Variants in NTRK3 observed in about 807,000 individuals in gnomAD.
NTRK3 encodes the protein NT-3 growth factor receptor.
In NTRK3, 24 loss-of-function variants were observed where a neutral mutation model predicts 91.7. The observed-to-expected ratio is 0.26, with a 90% CI of 0.19 to 0.37. The LOEUF is 0.37. NTRK3 is among the 10% of genes least tolerant of loss of function. NTRK3 has a pLI of 1.00. For missense variants in NTRK3, 880 were observed against 1,068.9 expected (o/e 0.82, Z 2.46); for synonymous variants, 483 against 404.0 (o/e 1.20, Z -2.34).
At chr15:88,217,111 A>T (rs1010093112) in intron 3 of NTRK3, among the ~76,000 whole-genome samples, 2 of 152,210 alleles carry the variant, frequency 1.3e-5, no homozygotes, top group African/African-American at 4.8e-5. Flanking sequence ...AAAAAACAAA[A>T]AATAACAAGA....
At chr15:87,947,693 G>T (rs972872019) in intron 14 of NTRK3, among the ~76,000 whole-genome samples, 22 of 152,120 alleles carry the variant, frequency 1.4e-4, no homozygotes, top group Non-Finnish European at 3.1e-4. Flanking sequence ...TGGCAGGAGA[G>T]AAGGGGGAAG....
At chr15:87,970,461 C>T (rs749641322) in intron 14 of NTRK3, among the ~76,000 whole-genome samples, 12 of 152,156 alleles carry the variant, frequency 7.9e-5, no homozygotes, top group Non-Finnish European at 1.2e-4. Context: ...GGGTGGTTGA[C>T]GAACACATCC....
chr15:88,128,700 A>G lies in NTRK3; in HGVS notation c.1228+11T>C. On this transcript the variant is annotated intron_variant, in intron 11 of 18. Transcript: ENST00000394480. ...AAATCAGTTTCAAAGCAACAGGTAA[A>G]GCAGACTTACACAAGATAAAGTTAT... is the stretch of plus-strand genomic sequence containing the variant. 6.2e-7 allele frequency: 1 copy of G among 1,613,988 alleles called. No homozygotes were observed. Among genetic ancestry groups the G allele is most frequent in the Non-Finnish European group, 8.5e-7 (1 of 1,179,834 alleles).
chr15:87,956,454 A>G (rs1832846093), intron 14 of NTRK3, among the ~76,000 whole-genome samples: 2 of 152,190 alleles, frequency 1.3e-5, no homozygotes, highest in Admixed American at 1.3e-4. Flanking sequence ...TTGTATTTTT[A>G]GTAGAGACGG....
chr15:87,890,772 T>G (rs890430737), intron 17 of NTRK3, among the ~76,000 whole-genome samples: 1 of 152,208 alleles, frequency 6.6e-6, no homozygotes, highest in Non-Finnish European at 1.5e-5. Flanking sequence ...TAGGCTCATC[T>G]TGTATATTTC....
intron 14 of NTRK3, among the ~76,000 whole-genome samples, chr15:88,017,523 TG>T (rs1052405554): frequency 6.6e-6 from 1 of 152,240 alleles, no homozygotes; most frequent in Non-Finnish European, 1.5e-5. Flanking sequence ...CCAGAACCTG[TG>T]ATGTCTCCAT....
intron 17 of NTRK3, among the ~76,000 whole-genome samples, chr15:87,886,690 A>ATATATATATATATATG (rs2065561746): frequency 7.1e-6 from 1 of 141,702 alleles, no homozygotes; most frequent in Admixed American, 7.1e-5. Flanking sequence ...ATATATATAT[A>ATATATATATATATATG]TATATATATA....
intron 6 of NTRK3, 43 bp downstream of exon 6, chr15:88,147,292 A>G (rs569455628): frequency 6.4e-6 from 10 of 1,566,888 alleles, no homozygotes; most frequent in Non-Finnish European, 8.8e-6. Context: ...TCCACCCATT[A>G]CCAGCACTTC....
intron 16 of NTRK3, among the ~76,000 whole-genome samples, chr15:87,931,845 GT>G (rs1225342807): frequency 9.8e-5 from 15 of 152,324 alleles, no homozygotes; most frequent in Admixed American, 5.2e-4. Context: ...ATGCTTAGCA[GT>G]TTTTGGTGAG....
intron 13 of NTRK3, among the ~76,000 whole-genome samples, chr15:88,033,363 G>A (rs2078773632): frequency 6.7e-6 from 1 of 149,938 alleles, no homozygotes; most frequent in African/African-American, 2.5e-5. Flanking sequence ...CAGGCTGGAG[G>A]GCAGTGGCGC....
intron 3 of NTRK3, among the ~76,000 whole-genome samples, chr15:88,189,685 C>T (rs1022528254): frequency 1.3e-5 from 2 of 152,132 alleles, no homozygotes; most frequent in African/African-American, 4.8e-5. Context: ...CTCAGGTGAT[C>T]CACCTGCCTC....
chr15:88,019,939 T>A (rs963783623), intron 14 of NTRK3, among the ~76,000 whole-genome samples: 1 of 152,150 alleles, frequency 6.6e-6, no homozygotes, highest in Non-Finnish European at 1.5e-5. Flanking sequence ...TGAACAAGAC[T>A]CAGACATATG....
Position 88,180,730 on chromosome 15 carries a change from T to C in NTRK3, c.395+2688A>G, listed in dbSNP as rs556343376. On this transcript the variant is annotated intron_variant, in intron 5 of 18. Coordinates refer to ENST00000394480, the Ensembl canonical transcript of NTRK3. Reference sequence around the variant, plus strand: ...CCAAGCCAGGGCTCGGCAATTAGTGTTGGAGTAAGTGATCATCTTGTGATT... The same window carrying C: ...CCAAGCCAGGGCTCGGCAATTAGTGCTGGAGTAAGTGATCATCTTGTGATT... Among the ~76,000 whole-genome samples the C allele has an allele frequency of 9.4e-5, 14 of 148,714 alleles. No homozygotes were observed. In the East Asian group the frequency reaches 2.0e-3, roughly 21 times the overall value.
intron 14 of NTRK3, chr15:87,979,357 A>T: frequency 6.2e-7 from 1 of 1,612,616 alleles, no homozygotes; most frequent in Non-Finnish European, 8.5e-7. Flanking sequence ...AAAAGCCATG[A>T]CGTCCTTTGC....
chr15:87,979,212 G>A (rs1004406415), intron 14 of NTRK3: 24 of 771,144 alleles, frequency 3.1e-5, no homozygotes, highest in Middle Eastern at 2.5e-4. Context: ...AAAGGGTGCC[G>A]GGGCACTGGT....
intron 14 of NTRK3, among the ~76,000 whole-genome samples, chr15:87,999,532 C>T (rs563594970): frequency 6.6e-6 from 1 of 152,302 alleles, no homozygotes; most frequent in African/African-American, 2.4e-5. Flanking sequence ...GAATAAATAA[C>T]ATGTAGATGT....
chr15:87,984,112 A>G (rs1010382734), intron 14 of NTRK3, among the ~76,000 whole-genome samples: 1 of 152,176 alleles, frequency 6.6e-6, no homozygotes, highest in Non-Finnish European at 1.5e-5. Context: ...TGAGGTAGTA[A>G]TGAGTATGGA....
chr15:88,109,774 G>A (rs1303070546), intron 13 of NTRK3, among the ~76,000 whole-genome samples: 1 of 152,060 alleles, frequency 6.6e-6, no homozygotes, highest in Admixed American at 6.5e-5. Flanking sequence ...GAGTAGCCTA[G>A]CTGTTGAAAT....
At chr15:88,009,815 CAGT>C (rs2076746107) in intron 14 of NTRK3, among the ~76,000 whole-genome samples, 3 of 152,288 alleles carry the variant, frequency 2.0e-5, no homozygotes, top group African/African-American at 7.2e-5. Flanking sequence ...CTCTCCACTG[CAGT>C]GTTACAGGAG....
Sources: gnomAD v4.1 joint callset for allele counts (sites outside exome capture counted in the v4.1 genomes callset) on GRCh38, gnomAD v4.1.1 for gene constraint, MANE v1.5 for transcripts, NCBI Gene and HGNC (gene_info 2026-07-23, HGNC 2026-07-21) for gene names.